Variants in SUN3 observed in about 807,000 individuals in gnomAD.
SUN3 encodes SUN domain-containing protein 3.
Under a neutral mutation model 48.2 loss-of-function variants are expected in SUN3, and 36 were observed. The ratio of observed to expected loss-of-function variants is 0.75; its 90% confidence interval spans 0.57 to 0.99. The LOEUF (loss-of-function observed/expected upper bound fraction) is 0.99. Among genes scored for constraint, SUN3 ranks in the 50% least tolerant of loss-of-function variants. SUN3 has a pLI of 0.00. For missense variants in SUN3, 419 were observed against 433.1 expected, an observed-to-expected ratio of 0.97 and a Z score of 0.29; for synonymous variants, 148 against 147.9, an observed-to-expected ratio of 1.00 and a Z score of 0.00.
At chr7:48,013,334 A>G (rs1789730916) in intron 3 of SUN3, among the ~76,000 whole-genome samples, 1 of 152,184 alleles carries the variant, frequency 6.6e-6, no homozygotes, top group African/African-American at 2.4e-5. Context: ...ATAAAGTGTA[A>G]TATATATTTA....
At chr7:48,020,515 G>T (rs995771962) in intron 2 of SUN3, among the ~76,000 whole-genome samples, 2 of 152,140 alleles carry the variant, frequency 1.3e-5, no homozygotes, top group Admixed American at 6.5e-5. Flanking sequence ...TGCAATGAAA[G>T]AAGTTAAATT....
At chr7:48,029,420 C>T (rs1203981010), upstream of SUN3, among the ~76,000 whole-genome samples, 1 of 152,148 alleles carries the variant, frequency 6.6e-6, no homozygotes, top group Non-Finnish European at 1.5e-5. Flanking sequence ...AATTGATATA[C>T]TCTATTCTCA....
intron 4 of SUN3, among the ~76,000 whole-genome samples, chr7:48,007,625 G>A (rs1328098302): frequency 6.6e-6 from 1 of 152,172 alleles, no homozygotes. Flanking sequence ...CGTCACACAG[G>A]TGAATCCTAA....
intron 3 of SUN3, among the ~76,000 whole-genome samples, chr7:48,011,803 G>C (rs1222392467): frequency 6.6e-6 from 1 of 152,168 alleles, no homozygotes; most frequent in African/African-American, 2.4e-5. Context: ...CAGTAAGTAA[G>C]GAAGTGAAAG....
In SUN3 at chr7:47,997,416, G is replaced by C. The variant is rs187425286; in HGVS notation, c.578-1270C>G. Among the ~76,000 whole-genome samples, 32 of 151,800 alleles carry C rather than the reference G, an allele frequency of 2.1e-4. No homozygotes were observed. The East Asian group carries it at 6.0e-3, about 29-fold the overall frequency. ...ACTATTCCTACTCGACCAACTGGCT[G>C]GACAGAATCTACACTTTCACCTGCT... On this transcript the variant is annotated intron_variant, in intron 6 of 9. Coordinates refer to ENST00000297325, the MANE Select transcript of SUN3 (RefSeq NM_001030019.2).
intron 2 of SUN3, among the ~76,000 whole-genome samples, chr7:48,023,769 C>A (rs868519074): frequency 1.3e-5 from 2 of 152,162 alleles, no homozygotes; most frequent in Admixed American, 1.3e-4. Flanking sequence ...GGAAGGACAA[C>A]TTGTGTTCAT....
intron 3 of SUN3, among the ~76,000 whole-genome samples, chr7:48,011,870 C>T (rs1789691994): frequency 1.3e-5 from 2 of 152,160 alleles, no homozygotes; most frequent in Non-Finnish European, 2.9e-5. Context: ...GAAGTTGGAA[C>T]CTACTCGTGC....
intron 4 of SUN3, among the ~76,000 whole-genome samples, chr7:48,008,082 C>G (rs1789581042): frequency 6.6e-6 from 1 of 152,168 alleles, no homozygotes; most frequent in South Asian, 2.1e-4. Context: ...CCTCGGCCAC[C>G]CAAAGTGCTG....
At position 47,994,342 on chromosome 7, in the gene SUN3, G is replaced by T; in HGVS notation, c.834C>A (p.Ser278=). 6.2e-7 allele frequency: 1 copy of T among 1,613,588 alleles called. No individual in the cohort carries two copies. The highest frequency in any genetic ancestry group is 8.5e-7 in the Non-Finnish European group (1 of 1,179,852). The part of the protein sequence containing the change: ...SEKVSPSGNI[S]SAPKEFSVYG... ...AGACAGAAAATTCCTTGGGTGCACT[G>T]GAGATGTTTCCTGACGGAGACACCT... Residue 278 remains serine, a synonymous_variant, in exon 8 of 10, where the codon TCC becomes TCA. Transcript: ENST00000297325.
chr7:48,035,502 G>C, the SUN3 span: 3 of 697,522 alleles, frequency 4.3e-6, no homozygotes, highest in Non-Finnish European at 7.8e-6. This position sits in a 1 kb window ranked among gnomAD's most constrained non-coding sequence, Gnocchi z 4.0. Flanking sequence ...CCGTTGCCCT[G>C]GCGACGCCGA....
At chr7:48,002,151 C>CTTTTTTTTTTTT (rs71006541) in intron 6 of SUN3, among the ~76,000 whole-genome samples, 5 of 64,154 alleles carry the variant, frequency 7.8e-5, no homozygotes, top group African/African-American at 3.0e-4. Flanking sequence ...TTGCATTTCT[C>CTTTTTTTTTTTT]TTTTTTTTTT....
In SUN3 at chr7:48,020,578, T is replaced by G. The variant is rs748657024; in HGVS notation, c.185-3213A>C. Among the ~76,000 whole-genome samples the G allele has an allele frequency of 1.3e-4, 20 of 152,140 alleles. No homozygotes were observed. The South Asian group carries it at 3.3e-3, about 25-fold the overall frequency. Reference sequence around the variant, plus strand: ...ATATTAGGAAAAAAACTATTAGAACTGATAAATTCAGCAGTGTTGCAGGAT... The same window carrying G: ...ATATTAGGAAAAAAACTATTAGAACGGATAAATTCAGCAGTGTTGCAGGAT... On this transcript the variant is annotated intron_variant, in intron 2 of 9. Transcript: ENST00000297325.
At chr7:48,011,137 A>C (rs1410346663) in intron 3 of SUN3, among the ~76,000 whole-genome samples, 1 of 152,162 alleles carries the variant, frequency 6.6e-6, no homozygotes, top group Non-Finnish European at 1.5e-5. Flanking sequence ...TTCCCAAATA[A>C]AGGTCACATT....
At chr7:48,003,548 G>A (rs1789446570) in intron 6 of SUN3, among the ~76,000 whole-genome samples, 2 of 152,150 alleles carry the variant, frequency 1.3e-5, no homozygotes, top group South Asian at 2.1e-4. Flanking sequence ...AGCATGAGAT[G>A]TTTTTCCATT....
chr7:48,035,373 G>C, the SUN3 span: 7 of 603,788 alleles, frequency 1.2e-5, no homozygotes, highest in East Asian at 3.0e-5. This position sits in a 1 kb window ranked among gnomAD's most constrained non-coding sequence, Gnocchi z 4.0. Flanking sequence ...TCTGGGCTAC[G>C]GGCAGTTGAC....
At chr7:47,989,565 C>T (rs1355950590) in intron 8 of SUN3, among the ~76,000 whole-genome samples, 1 of 152,128 alleles carries the variant, frequency 6.6e-6, no homozygotes, top group African/African-American at 2.4e-5. Context: ...GCAAAATAAA[C>T]AGTACATTCA....
chr7:48,020,818 T>G (rs1035641016), intron 2 of SUN3, among the ~76,000 whole-genome samples: 10 of 152,146 alleles, frequency 6.6e-5, no homozygotes, highest in Non-Finnish European at 1.5e-4. Context: ...TGTTCATGAA[T>G]TAGAAGATCA....
rs573411130 is a variant in SUN3, at chr7:47,997,241, T to G, written c.578-1095A>C. The stretch of plus-strand genomic sequence containing the variant: ...AAACAAAGAATAATTTTTTTAGTAG[T>G]AGTCATGTCCCATACAATATTTGGG... On this transcript the variant is annotated intron_variant, in intron 6 of 9. Coordinates refer to ENST00000297325, the MANE Select transcript of SUN3 (RefSeq NM_001030019.2). Among the ~76,000 whole-genome samples the G allele has an allele frequency of 1.6e-4, 24 of 152,358 alleles. No homozygotes were observed. In the South Asian group the frequency reaches 4.8e-3, roughly 30 times the overall value.
intron 2 of SUN3, among the ~76,000 whole-genome samples, chr7:48,023,481 T>G (rs983012136): frequency 6.6e-6 from 1 of 151,528 alleles, no homozygotes; most frequent in Non-Finnish European, 1.5e-5. Flanking sequence ...ACAAAGCAAT[T>G]AAACACAAAA....
Sources: gnomAD v4.1 joint callset for allele counts (sites outside exome capture counted in the v4.1 genomes callset) on GRCh38, gnomAD v4.1.1 for gene constraint, Gnocchi (gnomAD v3.1) non-coding constraint, MANE v1.5 for transcripts, NCBI Gene and HGNC (gene_info 2026-07-23, HGNC 2026-07-21) for gene names.